The following MED12L variants were observed in gnomAD, a reference collection of about 807,000 sequenced individuals.
The protein encoded by MED12L is mediator of RNA polymerase II transcription subunit 12-like protein.
Under a neutral mutation model 281.3 loss-of-function variants are expected in MED12L, and 60 were observed. The observed-to-expected ratio is 0.21, with a 90% confidence interval of 0.17 to 0.26. The LOEUF (loss-of-function observed/expected upper bound fraction) is 0.26. Among genes scored for constraint, MED12L ranks in the 10% least tolerant of loss-of-function variants. The probability of loss-of-function intolerance (pLI) is 1.00; values close to 1 mark genes in which losing one functional copy is unlikely to be tolerated. For synonymous variants in MED12L, 974 were observed against 987.2 expected, an observed-to-expected ratio of 0.99 and a Z score of 0.25; for missense variants, 2,146 against 2,680.9, an observed-to-expected ratio of 0.80 and a Z score of 4.41.
chr3:151,355,791 G>T, intron 18 of MED12L, 105 bp from the exon 19 acceptor site: 1 of 943,092 alleles, frequency 1.1e-6, no homozygotes, highest in South Asian at 2.2e-5. Flanking sequence ...CGTCAAAGTA[G>T]AATCATGTAT....
intron 16 of MED12L, among the ~76,000 whole-genome samples, chr3:151,234,485 T>G (rs530210113): frequency 6.6e-6 from 1 of 152,256 alleles, no homozygotes; most frequent in Non-Finnish European, 1.5e-5. Flanking sequence ...TTTTACTAGC[T>G]TGTCTGTTTT....
chr3:151,197,364 A>C (rs373861277), intron 16 of MED12L, among the ~76,000 whole-genome samples: 2 of 152,074 alleles, frequency 1.3e-5, no homozygotes. Flanking sequence ...GGGTTTCATC[A>C]TGTGGGCCAG....
intron 10 of MED12L, 108 bp downstream of exon 10, chr3:151,165,627 C>T (rs2148980072): frequency 9.9e-7 from 1 of 1,009,620 alleles, no homozygotes; most frequent in East Asian, 2.5e-5. Flanking sequence ...TTGACAGAGC[C>T]ACTTGGTGAA....
At chr3:151,270,515 T>C (rs1740744382) in intron 16 of MED12L, among the ~76,000 whole-genome samples, 2 of 152,172 alleles carry the variant, frequency 1.3e-5, no homozygotes, top group South Asian at 2.1e-4. Context: ...GCACAGAATT[T>C]TAGCGCTTTT....
At position 151,436,583 on chromosome 3, in the gene MED12L, T is replaced by C. The variant is rs1720250737; in HGVS notation, c.*3779T>C. The C allele has an allele frequency of 1.4e-6, 1 of 725,746 alleles. No individual in the cohort carries two copies. The highest frequency in any genetic ancestry group is 2.3e-6 in the Non-Finnish European group (1 of 438,520). The allele number at this position is 725,746 out of a possible 1,614,324, so 45.0% of individuals were successfully genotyped here. A position where few individuals can be genotyped will look rare whatever the true frequency, so the allele number is the denominator to read the frequency against. On this transcript the variant is annotated 3_prime_UTR_variant, in exon 45 of 45. Coordinates refer to ENST00000687756, the MANE Select transcript of MED12L (RefSeq NM_001393769.1). ...TTTTGCATGTTCATTGTAAATTTAA[T>C]ACTGTAAATGTATTCAAATTCATTT...
At chr3:151,339,964 T>C (rs1286927985) in intron 16 of MED12L, among the ~76,000 whole-genome samples, 1 of 152,122 alleles carries the variant, frequency 6.6e-6, no homozygotes, top group African/African-American at 2.4e-5. Flanking sequence ...AAAAAATAAC[T>C]TTCGTGTAAA....
chr3:151,404,480 G>T (rs1324728444), intron 39 of MED12L, among the ~76,000 whole-genome samples: 1 of 152,206 alleles, frequency 6.6e-6, no homozygotes, highest in Non-Finnish European at 1.5e-5. Context: ...TCTCTCTGTT[G>T]TCTGCAGTTG....
chr3:151,275,982 C>G (rs759530953), intron 16 of MED12L, among the ~76,000 whole-genome samples: 1 of 152,066 alleles, frequency 6.6e-6, no homozygotes, highest in Non-Finnish European at 1.5e-5. Flanking sequence ...CAGCATCTGG[C>G]CAATGAAATG....
intron 16 of MED12L, among the ~76,000 whole-genome samples, chr3:151,210,730 A>G (rs866657523): frequency 6.6e-5 from 10 of 152,180 alleles, no homozygotes; most frequent in Non-Finnish European, 1.3e-4. Flanking sequence ...TTTTCTTTTC[A>G]TTGGTGCCCC....
intron 16 of MED12L, among the ~76,000 whole-genome samples, chr3:151,205,940 G>A (rs565356639): frequency 1.8e-4 from 27 of 152,130 alleles, no homozygotes; most frequent in Middle Eastern, 3.4e-3. Context: ...AATTTGGGAC[G>A]CTCTTACATC....
intron 16 of MED12L, among the ~76,000 whole-genome samples, chr3:151,291,163 T>TG (rs1252749884): frequency 2.8e-5 from 4 of 140,576 alleles, no homozygotes; most frequent in African/African-American, 1.0e-4. Flanking sequence ...TTTTTTTTTT[T>TG]TTGTTTTTAT....
intron 16 of MED12L, among the ~76,000 whole-genome samples, chr3:151,224,403 C>A (rs921586063): frequency 4.0e-5 from 6 of 150,006 alleles, no homozygotes; most frequent in Non-Finnish European, 5.9e-5. Context: ...TTACTGAAGC[C>A]ATTTTCTTGC....
chr3:151,344,845 G>A (rs1233499540), intron 16 of MED12L, among the ~76,000 whole-genome samples: 1 of 152,200 alleles, frequency 6.6e-6, no homozygotes, highest in Non-Finnish European at 1.5e-5. Flanking sequence ...CAGAAAATGT[G>A]AGTAAGGTGA....
At chr3:151,319,749 C>T (rs1748768855) in intron 16 of MED12L, among the ~76,000 whole-genome samples, 1 of 151,984 alleles carries the variant, frequency 6.6e-6, no homozygotes, top group Non-Finnish European at 1.5e-5. Context: ...ATTTATGAAT[C>T]ATCATGAAAA....
At chr3:151,169,976 C>T (rs967158654) in intron 11 of MED12L, among the ~76,000 whole-genome samples, 2 of 152,204 alleles carry the variant, frequency 1.3e-5, no homozygotes, top group African/African-American at 4.8e-5. Flanking sequence ...CCTTAATTCC[C>T]TTTTCTCTGG....
At chr3:151,120,502 A>T (rs781623988) in intron 3 of MED12L, among the ~76,000 whole-genome samples, 21 of 152,234 alleles carry the variant, frequency 1.4e-4, no homozygotes, top group Non-Finnish European at 2.5e-4. Flanking sequence ...TGGTAGCTTG[A>T]TTAAATGTAT....
At chr3:151,186,209 C>G (rs1176309904) in intron 12 of MED12L, among the ~76,000 whole-genome samples, 1 of 152,122 alleles carries the variant, frequency 6.6e-6, no homozygotes, top group Non-Finnish European at 1.5e-5. Context: ...TCTAAGCAGG[C>G]CTTCCTTTCT....
chr3:151,139,879 T>G (rs1218453071), intron 5 of MED12L, among the ~76,000 whole-genome samples: 1 of 152,228 alleles, frequency 6.6e-6, no homozygotes, highest in East Asian at 1.9e-4. Flanking sequence ...ATTGGACTCT[T>G]TAAGACATGC....
intron 5 of MED12L, among the ~76,000 whole-genome samples, chr3:151,129,139 C>A (rs1412444369): frequency 2.0e-5 from 3 of 152,182 alleles, no homozygotes; most frequent in Non-Finnish European, 4.4e-5. Context: ...AATCACAAAT[C>A]TCTGAGGAGG....
Sources: gnomAD v4.1 joint callset for allele counts (sites outside exome capture counted in the v4.1 genomes callset) on GRCh38, gnomAD v4.1.1 for gene constraint, MANE v1.5 for transcripts, NCBI Gene and HGNC (gene_info 2026-07-23, HGNC 2026-07-21) for gene names.